The following GPATCH1 variants were observed in gnomAD, a reference collection of about 807,000 sequenced individuals.
GPATCH1 encodes G-patch domain containing 1.
GPATCH1 carries 73 observed loss-of-function variants against 114.9 expected under a neutral mutation model. The ratio of observed to expected loss-of-function variants is 0.64; its 90% CI spans 0.53 to 0.77. The LOEUF (loss-of-function observed/expected upper bound fraction) is 0.77, where lower values mean the gene tolerates loss of function less well. Ranked by LOEUF, GPATCH1 falls within the 30% of genes least tolerant of loss-of-function variation. The pLI is 0.00. For synonymous variants in GPATCH1, 391 were observed against 428.4 expected, an observed-to-expected ratio of 0.91 and a Z score of 1.08; for missense variants, 1,058 against 1,144.3, an observed-to-expected ratio of 0.92 and a Z score of 1.09.
At chr19:33,092,099 T>G (rs1599851940) in intron 3 of GPATCH1, among the ~76,000 whole-genome samples, 1 of 151,580 alleles carries the variant, frequency 6.6e-6, no homozygotes, top group Non-Finnish European at 1.5e-5. Flanking sequence ...CAGGCTGGAG[T>G]GCAGTGGCGC....
At chr19:33,086,209 G>A (rs930575359) in intron 1 of GPATCH1, among the ~76,000 whole-genome samples, 1 of 152,054 alleles carries the variant, frequency 6.6e-6, no homozygotes, top group Non-Finnish European at 1.5e-5. Flanking sequence ...ATGTAATGTA[G>A]TGTGTGTACT....
intron 13 of GPATCH1, 199 bp from the exon 14 acceptor site, chr19:33,113,568 T>TG (rs1972881516): frequency 1.9e-6 from 1 of 524,304 alleles, no homozygotes; most frequent in Non-Finnish European, 3.4e-6. Context: ...GTTAAATTCT[T>TG]GTCCTTATCA....
intron 9 of GPATCH1, among the ~76,000 whole-genome samples, chr19:33,101,890 G>A (rs549670463): frequency 3.9e-5 from 6 of 151,924 alleles, no homozygotes; most frequent in East Asian, 1.9e-4. Flanking sequence ...TTAGCCGCAC[G>A]TGGTGTCGCA....
At chr19:33,128,551 C>T (rs1203590550) in intron 19 of GPATCH1, among the ~76,000 whole-genome samples, 1 of 152,242 alleles carries the variant, frequency 6.6e-6, no homozygotes, top group African/African-American at 2.4e-5. Flanking sequence ...TGAGCCACCA[C>T]ACCCGGCCTA....
intron 2 of GPATCH1, 85 bp from the exon 3 acceptor site, chr19:33,090,695 C>G (rs1972583945): frequency 7.6e-6 from 6 of 788,952 alleles, no homozygotes; most frequent in Non-Finnish European, 1.3e-5. Flanking sequence ...TTGGGAATTT[C>G]AAGTCCATAC....
rs146192291 is a variant in GPATCH1 at position 33,106,152 on chromosome 19, A to G, written c.1081-543A>G. The stretch of plus-strand genomic sequence containing the variant: ...GCATGATCCACTGTTCCCGGCCCCA[A>G]CTATTATTTAAAAAAATTTTTTTTT... On this transcript the variant is annotated intron_variant, in intron 9 of 19. Transcript: ENST00000170564. Among the ~76,000 whole-genome samples, 361 of 151,946 alleles carry G rather than the reference A, an allele frequency of 2.4e-3. 1 individual carries two copies. The highest frequency in any genetic ancestry group is 2.9e-3 in the Non-Finnish European group (198 of 67,948).
chr19:33,127,974 T>G (rs1021341465), intron 19 of GPATCH1, among the ~76,000 whole-genome samples: 1 of 152,202 alleles, frequency 6.6e-6, no homozygotes, highest in Non-Finnish European at 1.5e-5. Context: ...CACCTTGGCC[T>G]CTGAGTGCCA....
rs768524857 is a variant in GPATCH1 at position 33,118,087 on chromosome 19, A to G, written c.2413+46A>G. 3 of 1,246,456 alleles carry G rather than the reference A, an allele frequency of 2.4e-6. No individual in the cohort carries two copies. The South Asian group carries it at 3.6e-5, about 15-fold the overall frequency. 77.2% of individuals were successfully genotyped at this position (1,246,456 alleles called of 1,614,324 possible). On this transcript the variant is annotated intron_variant, in intron 16 of 19. Coordinates refer to ENST00000170564, the MANE Select transcript of GPATCH1 (RefSeq NM_018025.3). Reference sequence around the variant, plus strand: ...CGGGGATCTAAAGGAGAAGACAATGACTCTAGGACAGCTGCTTCTCTGTTT... The same window carrying G: ...CGGGGATCTAAAGGAGAAGACAATGGCTCTAGGACAGCTGCTTCTCTGTTT...
intron 18 of GPATCH1, among the ~76,000 whole-genome samples, 197 bp downstream of exon 18, chr19:33,125,399 C>T (rs899483586): frequency 6.6e-6 from 1 of 151,608 alleles, no homozygotes; most frequent in African/African-American, 2.4e-5. Flanking sequence ...TAAACGCCCC[C>T]CCGCTTTTTT....
rs940110663 is a variant in GPATCH1, at chr19:33,120,022, TTATA to T, written c.2521+909_2521+912del. Among the ~76,000 whole-genome samples, 256 of 140,746 alleles carry T rather than the reference TTATA, an allele frequency of 1.8e-3. 1 individual carries two copies. The highest frequency in any genetic ancestry group is 9.7e-3 in the South Asian group (45 of 4,662). 92.3% of individuals were successfully genotyped at this position (140,746 alleles called of 152,430 possible). On this transcript the variant is annotated intron_variant, in intron 17 of 19. Transcript: ENST00000170564. ...ATTATATTTTATATATTTTATATAT[TTATA>T]TATTTATATATTTATATTTTATATA...
chr19:33,094,900 C>T (rs1972638359), intron 5 of GPATCH1, among the ~76,000 whole-genome samples: 1 of 152,144 alleles, frequency 6.6e-6, no homozygotes, highest in South Asian at 2.1e-4. Context: ...TGCAGTGACT[C>T]ATACCCATAA....
intron 7 of GPATCH1, 38 bp from the exon 8 acceptor site, chr19:33,097,717 A>G (rs748412334): frequency 1.2e-6 from 2 of 1,601,100 alleles, no homozygotes; most frequent in South Asian, 2.2e-5. Flanking sequence ...GACATACCCT[A>G]ACACCTGTGC....
At chr19:33,113,708 C>A in intron 13 of GPATCH1, 59 bp from the exon 14 acceptor site, 1 of 1,498,722 alleles carries the variant, frequency 6.7e-7, no homozygotes, top group Non-Finnish European at 9.2e-7. Context: ...GAAAGCTTTT[C>A]AGGAGGTGGA....
intron 9 of GPATCH1, among the ~76,000 whole-genome samples, chr19:33,102,278 C>T (rs950167055): frequency 2.1e-4 from 32 of 150,928 alleles, no homozygotes; most frequent in African/African-American, 7.1e-4. Flanking sequence ...GAGGTTGCAG[C>T]GAGCCAAGAT....
intron 1 of GPATCH1, among the ~76,000 whole-genome samples, chr19:33,085,285 C>T (rs1972524100): frequency 6.6e-6 from 1 of 152,102 alleles, no homozygotes; most frequent in African/African-American, 2.4e-5. Flanking sequence ...GATTATGGCT[C>T]ACTGCAGCCT....
rs1238414048 is a variant in GPATCH1, at chr19:33,081,191, A to G, written c.-3A>G. 2 of 1,551,136 alleles carry G rather than the reference A, an allele frequency of 1.3e-6. No homozygotes were observed. Among genetic ancestry groups the G allele is most frequent in the Non-Finnish European group, 1.7e-6 (2 of 1,146,778 alleles). On this transcript the variant is annotated 5_prime_UTR_variant, in exon 1 of 20. Coordinates refer to ENST00000170564, the MANE Select transcript of GPATCH1 (RefSeq NM_018025.3). ...GCGAGGGGGCGGGGCCCGGAAGAGC[A>G]GGATGGCGGCGCGGGACAGTGACAG...
intron 17 of GPATCH1, among the ~76,000 whole-genome samples, chr19:33,122,591 G>A (rs1972997890): frequency 6.6e-6 from 1 of 152,088 alleles, no homozygotes; most frequent in Non-Finnish European, 1.5e-5. Flanking sequence ...CCAAAGTGCT[G>A]GGATTACAGG....
At position 33,081,263 on chromosome 19, in the gene GPATCH1, G is replaced by C. The variant is rs1972472710; in HGVS notation, c.70G>C (p.Glu24Gln). The change falls in exon 1 of 20, where the codon GAA (glutamate) becomes CAA (glutamine). Residue 24 changes from glutamate (E) to glutamine (Q), a missense_variant. Glu to Gln is a conservative substitution (Grantham distance 29). Around this residue, in one of 3 missense-constraint regions of GPATCH1, gnomAD observed 131 missense variants for 107.2 expected, o/e 1.22. Coordinates refer to ENST00000170564, the MANE Select transcript of GPATCH1 (RefSeq NM_018025.3). ...TGGGACCGGGCTGGAGCCTCTGGAA[G>C]AAGGTGCGGGCCGCGTGGGCCGGCG... Reference protein sequence around the residue: ...SYGTGLEPLEEGERPKKPIPL... With the variant: ...SYGTGLEPLEQGERPKKPIPL... The C allele has an allele frequency of 6.4e-7, 1 of 1,551,294 alleles. No homozygotes were observed. Among genetic ancestry groups the C allele is most frequent in the Non-Finnish European group, 8.7e-7 (1 of 1,146,792 alleles).
intron 9 of GPATCH1, 128 bp from the exon 10 acceptor site, chr19:33,106,567 A>G (rs1972786900): frequency 2.8e-6 from 2 of 709,108 alleles, no homozygotes; most frequent in Non-Finnish European, 4.8e-6. Context: ...TTCTTGTGCT[A>G]CCTGCCTGCT....
Sources: gnomAD v4.1 joint callset for allele counts (sites outside exome capture counted in the v4.1 genomes callset) on GRCh38, gnomAD v4.1.1 for gene constraint, gnomAD v4.1.1 regional missense constraint, MANE v1.5 for transcripts, NCBI Gene and HGNC (gene_info 2026-07-23, HGNC 2026-07-21) for gene names.